Variants in GALNT1 observed in about 807,000 individuals in gnomAD.
GALNT1 encodes GalNAc transferase 1.
A neutral mutation model predicts 65.7 loss-of-function variants in GALNT1; 17 were observed. The observed-to-expected ratio is 0.26, with a 90% CI of 0.18 to 0.39. The LOEUF is 0.39. Ranked by LOEUF, GALNT1 falls within the 10% of genes least tolerant of loss-of-function variation. The pLI is 1.00. For missense variants in GALNT1, 460 were observed against 672.8 expected (o/e 0.68, Z 3.50); for synonymous variants, 210 against 219.7 (o/e 0.96, Z 0.39).
At chr18:35,701,003 A>G (rs1333639452) in intron 9 of GALNT1, among the ~76,000 whole-genome samples, 1 of 152,212 alleles carries the variant, frequency 6.6e-6, no homozygotes, top group African/African-American at 2.4e-5. Flanking sequence ...ATTTATATCA[A>G]AAGTATAAGG....
At chr18:35,586,621 G>T (rs1184642642) in intron 1 of GALNT1, among the ~76,000 whole-genome samples, 1 of 152,124 alleles carries the variant, frequency 6.6e-6, no homozygotes, top group Non-Finnish European at 1.5e-5. Flanking sequence ...GTGTGTTTGT[G>T]TGTGTGTTTA....
At chr18:35,673,081 G>A (rs1194326859) in intron 3 of GALNT1, among the ~76,000 whole-genome samples, 1 of 152,234 alleles carries the variant, frequency 6.6e-6, no homozygotes, top group African/African-American at 2.4e-5. Context: ...CTGAATGAGA[G>A]TGTACAGAGG....
rs1053779392 is a variant in GALNT1 at position 35,711,540 on chromosome 18, A to G, written c.*1770A>G. The stretch of plus-strand genomic sequence containing the variant: ...CTGAATGGAATTTTTTTCCTTTTCC[A>G]TGAGCTGTGTTAATTCTATCTCCAG... On this transcript the variant is annotated 3_prime_UTR_variant, in exon 12 of 12. Transcript: ENST00000269195. The G allele has an allele frequency of 1.3e-5, 2 of 152,278 alleles. No individual in the cohort carries two copies. The highest frequency in any genetic ancestry group is 4.8e-5 in the African/African-American group (2 of 41,460). The allele number at this position is 152,278 out of a possible 1,614,324, so 9.4% of individuals were successfully genotyped here.
intron 3 of GALNT1, among the ~76,000 whole-genome samples, chr18:35,673,740 G>T (rs2047667155): frequency 6.6e-6 from 1 of 152,168 alleles, no homozygotes; most frequent in Admixed American, 6.5e-5. Context: ...TCCAGCCAGA[G>T]TAGGACTATA....
At chr18:35,646,957 C>T (rs1229278761) in intron 1 of GALNT1, among the ~76,000 whole-genome samples, 2 of 152,200 alleles carry the variant, frequency 1.3e-5, no homozygotes, top group African/African-American at 4.8e-5. Flanking sequence ...GGTCCTTTTT[C>T]ACTGGTCCCC....
At chr18:35,611,392 G>GT (rs748987252) in intron 1 of GALNT1, among the ~76,000 whole-genome samples, 8 of 152,142 alleles carry the variant, frequency 5.3e-5, no homozygotes, top group Non-Finnish European at 1.0e-4. Context: ...CTGTGCCATA[G>GT]TTTAACTTTC....
At chr18:35,663,900 G>A in intron 3 of GALNT1, 98 bp downstream of exon 3, 1 of 1,078,004 alleles carries the variant, frequency 9.3e-7, no homozygotes, top group Non-Finnish European at 1.4e-6. Context: ...TAAGGCAAAT[G>A]TTATATCACT....
chr18:35,694,909 G>A (rs1170367748), intron 9 of GALNT1, among the ~76,000 whole-genome samples: 1 of 152,254 alleles, frequency 6.6e-6, no homozygotes, highest in South Asian at 2.1e-4. Context: ...AGCATAATAC[G>A]ACAGTCACCA....
At chr18:35,592,960 G>A (rs889761610) in intron 1 of GALNT1, among the ~76,000 whole-genome samples, 3 of 152,192 alleles carry the variant, frequency 2.0e-5, no homozygotes, top group Non-Finnish European at 4.4e-5. Flanking sequence ...AAAGTGATCA[G>A]TAAATGTTGA....
intron 1 of GALNT1, among the ~76,000 whole-genome samples, chr18:35,621,237 A>ATCTGAATATTTCTTCCCGGACTTTC (rs1176006185): frequency 1.3e-5 from 2 of 149,486 alleles, no homozygotes; most frequent in Non-Finnish European, 3.0e-5. Flanking sequence ...GGAGTGCAGT[A>ATCTGAATATTTCTTCCCGGACTTTC]GTGGGATCAC....
intron 3 of GALNT1, chr18:35,664,406 C>G (rs2047517170): frequency 1.3e-5 from 2 of 152,130 alleles, no homozygotes; most frequent in African/African-American, 4.8e-5. Context: ...TTCTTTTCTA[C>G]TGCAAATAGT....
rs2046673245 is a variant in GALNT1 at position 35,608,033 on chromosome 18, A to G, written c.-104+26171A>G. On this transcript the variant is annotated intron_variant, in intron 1 of 11. Transcript: ENST00000269195. ...TATTTTAAAAATAGGGATTTGGGGGAATTACCTTGAATCTATACAGCAGTT... is the reference window on the plus strand; with the variant it reads ...TATTTTAAAAATAGGGATTTGGGGGGATTACCTTGAATCTATACAGCAGTT... Among the ~76,000 whole-genome samples the G allele has an allele frequency of 2.0e-5, 3 of 151,958 alleles. No homozygotes were observed. In the South Asian group the frequency reaches 6.2e-4, roughly 32 times the overall value.
At chr18:35,708,784 TAA>T (rs2048307373) in intron 11 of GALNT1, among the ~76,000 whole-genome samples, 1 of 152,230 alleles carries the variant, frequency 6.6e-6, no homozygotes, top group South Asian at 2.1e-4. Flanking sequence ...ATCTAGAACT[TAA>T]ATAAGTGGAT....
chr18:35,628,979 C>T (rs972956244), intron 1 of GALNT1, among the ~76,000 whole-genome samples: 1 of 151,902 alleles, frequency 6.6e-6, no homozygotes, highest in Non-Finnish European at 1.5e-5. Context: ...GATGGAAGAT[C>T]AAATGAATGA....
intron 9 of GALNT1, among the ~76,000 whole-genome samples, chr18:35,702,346 C>G (rs1340600928): frequency 6.6e-6 from 1 of 152,118 alleles, no homozygotes; most frequent in Non-Finnish European, 1.5e-5. Context: ...TTAGAGGAAA[C>G]AAAATATCAA....
chr18:35,685,242 G>A (rs543485480), intron 5 of GALNT1, among the ~76,000 whole-genome samples: 13 of 152,204 alleles, frequency 8.5e-5, no homozygotes, highest in South Asian at 6.2e-4. Context: ...GCACGTATGC[G>A]TGTAAAAAAC....
At chr18:35,599,662 C>G (rs1395515172) in intron 1 of GALNT1, among the ~76,000 whole-genome samples, 1 of 152,120 alleles carries the variant, frequency 6.6e-6, no homozygotes, top group Non-Finnish European at 1.5e-5. Flanking sequence ...TACGCCTAGC[C>G]AGATTTAAGT....
At chr18:35,706,727 A>T (rs1449373492) in intron 11 of GALNT1, among the ~76,000 whole-genome samples, 2 of 152,266 alleles carry the variant, frequency 1.3e-5, no homozygotes, top group Non-Finnish European at 2.9e-5. Context: ...CTCCCTGGGC[A>T]GAGGGAGAAG....
chr18:35,677,804 C>G (rs760124069), intron 4 of GALNT1, 47 bp downstream of exon 4: 17 of 1,421,214 alleles, frequency 1.2e-5, no homozygotes, highest in Non-Finnish European at 1.6e-5. Flanking sequence ...CCTTTTGTCA[C>G]TAACGGTTAA....
Sources: gnomAD v4.1 joint callset for allele counts (sites outside exome capture counted in the v4.1 genomes callset) on GRCh38, gnomAD v4.1.1 for gene constraint, MANE v1.5 for transcripts, NCBI Gene and HGNC (gene_info 2026-07-23, HGNC 2026-07-21) for gene names.